The following SNHG17 variants were observed in gnomAD, a reference collection of about 807,000 sequenced individuals.
SNHG17 encodes the protein small nucleolar RNA host gene 17 (non-protein coding).
intron 2 of SNHG17, chr20:38,434,091 C>T: frequency 2.2e-6 from 1 of 463,626 alleles, no homozygotes; most frequent in South Asian, 1.6e-5. Flanking sequence ...GTACCCAGGA[C>T]CCTGAGAGCC....
chr20:38,425,737 G>A (rs1386069664), intron 5 of SNHG17, among the ~76,000 whole-genome samples: 3 of 152,114 alleles, frequency 2.0e-5, no homozygotes, highest in Non-Finnish European at 4.4e-5. Context: ...GAATTCACTG[G>A]ATTAGGAAGT....
chr20:38,427,516 C>T (rs1197889657), intron 3 of SNHG17: 3 of 397,722 alleles, frequency 7.5e-6, no homozygotes, highest in South Asian at 3.9e-5. Context: ...AAGTCAGGGA[C>T]AGTACAAGAC....
At chr20:38,426,620 T>A (rs561656069) in intron 3 of SNHG17, 5 of 151,202 alleles carry the variant, frequency 3.3e-5, no homozygotes, top group African/African-American at 1.2e-4. Context: ...GGCGGCTGCA[T>A]CAGTGACTTC....
At chr20:38,434,509 G>C (rs899578613) in exon 2 of SNHG17, 1 of 167,544 alleles carries the variant, frequency 6.0e-6, no homozygotes, top group Admixed American at 5.5e-5. Flanking sequence ...CTTACCCAGG[G>C]GCATTCTCAC....
chr20:38,435,126 G>A, intron 1 of SNHG17: 4 of 1,232,300 alleles, frequency 3.2e-6, no homozygotes, highest in Non-Finnish European at 3.0e-6. Context: ...CTCTCTGGCC[G>A]CCTTCCCCGG....
exon 1 of SNHG17, chr20:38,435,267 T>C: frequency 1.6e-6 from 2 of 1,231,758 alleles, no homozygotes; most frequent in Non-Finnish European, 2.0e-6. Flanking sequence ...TGTCTGCAGA[T>C]TTCGAGAGAT....
intron 5 of SNHG17, chr20:38,425,047 C>G (rs1023763855): frequency 5.8e-6 from 2 of 343,534 alleles, no homozygotes; most frequent in African/African-American, 4.3e-5. Flanking sequence ...GCTGACTGCC[C>G]TCAAGTTCCC....
At chr20:38,434,940 C>A (rs1468914587) in intron 1 of SNHG17, 1 of 1,227,012 alleles carries the variant, frequency 8.1e-7, no homozygotes, top group Non-Finnish European at 1.0e-6. Context: ...GGGCACTAAG[C>A]CTCCCCGCAG....
intron 2 of SNHG17, among the ~76,000 whole-genome samples, chr20:38,432,941 C>G (rs925212829): frequency 6.6e-6 from 1 of 152,060 alleles, no homozygotes; most frequent in Non-Finnish European, 1.5e-5. Flanking sequence ...TGAGCCACCA[C>G]GACCAGCCAC....
intron 3 of SNHG17, chr20:38,429,601 A>G: frequency 4.7e-6 from 2 of 428,864 alleles, no homozygotes; most frequent in South Asian, 3.5e-5. Flanking sequence ...GCCAGGGAGA[A>G]GAGCAACACA....
intron 3 of SNHG17, among the ~76,000 whole-genome samples, chr20:38,426,849 T>G (rs1195274597): frequency 6.6e-6 from 1 of 150,388 alleles, no homozygotes; most frequent in African/African-American, 2.4e-5. Flanking sequence ...GAGGGAAGTG[T>G]TTTGCCTCTC....
At chr20:38,430,017 C>T (rs2084316372) in intron 3 of SNHG17, among the ~76,000 whole-genome samples, 1 of 152,204 alleles carries the variant, frequency 6.6e-6, no homozygotes, top group Admixed American at 6.5e-5. Context: ...TCCTGGGGCT[C>T]TTCTCAAAGA....
At chr20:38,424,370 G>A (rs565418747) in intron 5 of SNHG17, among the ~76,000 whole-genome samples, 3 of 151,930 alleles carry the variant, frequency 2.0e-5, no homozygotes, top group South Asian at 2.1e-4. Context: ...TGTCTCCCCC[G>A]ATTACTACTC....
intron 3 of SNHG17, chr20:38,427,509 T>G: frequency 2.2e-6 from 1 of 463,778 alleles, no homozygotes; most frequent in South Asian, 1.6e-5. Flanking sequence ...ATGACCCAAG[T>G]CAGGGACAGT....
rs186816033 is a variant in SNHG17, at chr20:38,426,867, G to A, written n.381-364C>T. On this transcript the variant is annotated intron_variant and non_coding_transcript_variant, in intron 3 of 8. Coordinates refer to ENST00000654008, the Ensembl canonical transcript of SNHG17. ...GGAAGTGTTTTGCCTCTCAGAACCC[G>A]GCTGTGCTCCCCTTGCAGCAATGAG... is the stretch of plus-strand genomic sequence containing the variant. 6.0e-4 allele frequency among the ~76,000 whole-genome samples: 91 copies of A among 150,586 alleles called. 1 individual carries two copies. The highest frequency in any genetic ancestry group is 2.2e-3 in the African/African-American group (90 of 40,994).
intron 2 of SNHG17, among the ~76,000 whole-genome samples, chr20:38,433,553 A>G (rs1568865875): frequency 6.6e-6 from 1 of 152,198 alleles, no homozygotes; most frequent in Non-Finnish European, 1.5e-5. Context: ...GCCACTGCAC[A>G]CTGCACCTCA....
intron 5 of SNHG17, among the ~76,000 whole-genome samples, chr20:38,423,586 G>A (rs2084196134): frequency 6.7e-6 from 1 of 148,220 alleles, no homozygotes; most frequent in Middle Eastern, 3.5e-3. Flanking sequence ...TACAAAGATA[G>A]AGAATAAAAT....
At chr20:38,433,886 G>C (rs770413316) in intron 2 of SNHG17, 1 of 519,258 alleles carries the variant, frequency 1.9e-6, no homozygotes, top group Admixed American at 1.9e-5. Context: ...TCCAGAGTTT[G>C]AAAGGGACAG....
intron 1 of SNHG17, chr20:38,435,176 T>C (rs912311464): frequency 8.1e-7 from 1 of 1,232,212 alleles, no homozygotes; most frequent in African/African-American, 1.5e-5. Context: ...GAGCCGACCA[T>C]GCGCCCTGCT....
Sources: gnomAD v4.1 joint callset for allele counts (sites outside exome capture counted in the v4.1 genomes callset) on GRCh38, gnomAD v4.1.1 for gene constraint, MANE v1.5 for transcripts, NCBI Gene and HGNC (gene_info 2026-07-23, HGNC 2026-07-21) for gene names.